The following MTMR10 variants were observed in gnomAD, a reference collection of about 807,000 sequenced individuals.
MTMR10 encodes the protein myotubularin related protein 10, also known as myotubularin-related protein 10.
Under a neutral mutation model 88.1 loss-of-function variants are expected in MTMR10, and 56 were observed. The ratio of observed to expected loss-of-function variants is 0.64; its 90% confidence interval spans 0.51 to 0.79. MTMR10 has a LOEUF of 0.79. MTMR10 is among the 30% of genes least tolerant of loss of function. The probability of loss-of-function intolerance (pLI) is 0.00; values close to 1 mark genes in which losing one functional copy is unlikely to be tolerated. For missense variants in MTMR10, 883 were observed against 924.7 expected, an observed-to-expected ratio of 0.95 and a Z score of 0.58; for synonymous variants, 380 against 340.9, an observed-to-expected ratio of 1.11 and a Z score of -1.26.
chr15:30,928,613 T>A, the MTMR10 span: 1 of 1,613,360 alleles, frequency 6.2e-7, no homozygotes, highest in Non-Finnish European at 8.5e-7. Context: ...TGGGACATCA[T>A]CTTCATGGAT....
At chr15:30,990,568 A>G (rs2141081348) in intron 2 of MTMR10, among the ~76,000 whole-genome samples, 1 of 152,334 alleles carries the variant, frequency 6.6e-6, no homozygotes, top group Non-Finnish European at 1.5e-5. Flanking sequence ...AAACATATAC[A>G]TCTTTTCAAA....
rs747456116 is a variant in MTMR10, at chr15:30,991,578, C to T, written c.-72G>A. 2 of 1,499,186 alleles carry T rather than the reference C, an allele frequency of 1.3e-6. No individual in the cohort carries two copies. Among genetic ancestry groups the T allele is most frequent in the East Asian group, 2.7e-5 (1 of 36,742 alleles). 92.9% of individuals were successfully genotyped at this position (1,499,186 alleles called of 1,614,324 possible). ...CGCCGACGCCTCCGGGCGTAAAGCT[C>T]TCAGTGCGGCCGCCCAGGCCCTTTC... On this transcript the variant is annotated 5_prime_UTR_variant, in exon 1 of 16. Coordinates refer to ENST00000435680, the MANE Select transcript of MTMR10 (RefSeq NM_017762.3).
At chr15:30,933,318 T>A in the MTMR10 span, among the ~76,000 whole-genome samples, 130 of 152,336 alleles carry the variant, frequency 8.5e-4, 1 homozygote, top group African/African-American at 3.0e-3. Flanking sequence ...ATTTAGTAGT[T>A]GTTTTCATTT....
the MTMR10 span, among the ~76,000 whole-genome samples, chr15:30,920,017 T>C: frequency 6.6e-6 from 1 of 152,180 alleles, no homozygotes; most frequent in Non-Finnish European, 1.5e-5. Flanking sequence ...AAAGGTCACA[T>C]AGTGAATATT....
At chr15:30,922,183 C>T in the MTMR10 span, 1 of 1,586,500 alleles carries the variant, frequency 6.3e-7, no homozygotes. Context: ...AATATCATTG[C>T]AGCTGGATTT....
chr15:30,955,469 A>G (rs1379904742), intron 9 of MTMR10, among the ~76,000 whole-genome samples: 1 of 152,060 alleles, frequency 6.6e-6, no homozygotes, highest in Non-Finnish European at 1.5e-5. Context: ...GCGGGGTTTC[A>G]CCATGTTGGC....
At chr15:30,986,283 G>A (rs2030934622) in intron 2 of MTMR10, among the ~76,000 whole-genome samples, 1 of 151,964 alleles carries the variant, frequency 6.6e-6, no homozygotes, top group South Asian at 2.1e-4. Flanking sequence ...CACCACTACA[G>A]TCCAAACTGG....
At chr15:30,930,108 A>G in the MTMR10 span, among the ~76,000 whole-genome samples, 1 of 150,276 alleles carries the variant, frequency 6.7e-6, no homozygotes, top group South Asian at 2.1e-4. Context: ...TGATGGAAAC[A>G]TACTAGGGTG....
chr15:30,972,598 T>C (rs1008998381), intron 5 of MTMR10, among the ~76,000 whole-genome samples: 14 of 152,286 alleles, frequency 9.2e-5, no homozygotes, highest in African/African-American at 3.1e-4. Flanking sequence ...ACAGCACTTA[T>C]TATGCTCTGT....
chr15:30,959,325 T>A (rs900423064), intron 7 of MTMR10, among the ~76,000 whole-genome samples: 31 of 152,142 alleles, frequency 2.0e-4, no homozygotes, highest in Admixed American at 2.0e-3. Flanking sequence ...TTCTTAAAAA[T>A]CTAAATTTAT....
At position 30,970,742 on chromosome 15, in the gene MTMR10, G is replaced by A. The variant is rs997462225; in HGVS notation, c.475-2732C>T. On this transcript the variant is annotated intron_variant, in intron 5 of 15. Transcript: ENST00000435680. ...AAAAGAAATAAAGCCTATTTTCAAG[G>A]CAAAACCCAACACAGCGTATTTTTT... 4.6e-5 allele frequency among the ~76,000 whole-genome samples: 7 copies of A among 152,122 alleles called. No homozygotes were observed. The East Asian group carries it at 1.4e-3, about 29-fold the overall frequency.
chr15:30,962,460 G>A (rs1205611024), intron 6 of MTMR10, among the ~76,000 whole-genome samples: 1 of 152,174 alleles, frequency 6.6e-6, no homozygotes, highest in Non-Finnish European at 1.5e-5. Context: ...TGTTCATGAT[G>A]CTAGTCCCTT....
At chr15:30,926,115 CA>C in the MTMR10 span, among the ~76,000 whole-genome samples, 2 of 152,198 alleles carry the variant, frequency 1.3e-5, no homozygotes, top group African/African-American at 2.4e-5. Flanking sequence ...AGGAGTAGGT[CA>C]GGGGTAGTTG....
chr15:30,975,039 C>T (rs1450223835), intron 3 of MTMR10, 36 bp from the exon 4 acceptor site: 2 of 1,406,502 alleles, frequency 1.4e-6, no homozygotes, highest in East Asian at 2.5e-5. Context: ...TAATTCTTTT[C>T]CCAATAATCT....
In MTMR10 at chr15:30,941,675, T is replaced by C; in HGVS notation, c.2129A>G (p.Glu710Gly). The change falls in exon 16 of 16, where the codon GAG becomes GGG. Residue 710 changes from glutamate (E) to glycine (G), a missense_variant. By Grantham distance (98) the Glu-to-Gly change is moderately conservative. This residue lies in a region of MTMR10 where 343 missense variants were observed against 323.2 expected (regional missense o/e 1.06). Coordinates refer to ENST00000435680, the MANE Select transcript of MTMR10 (RefSeq NM_017762.3). ...GAAGTACATCCTGCTCTGGCCCAGC[T>C]CCCCATAGCAGGCCTCCAGGGGGCC... ...RSGPLEACYG[E>G]LGQSRMYFNA... 3 of 1,613,560 alleles carry C rather than the reference T, an allele frequency of 1.9e-6. No individual in the cohort carries two copies. The highest frequency in any genetic ancestry group is 2.5e-6 in the Non-Finnish European group (3 of 1,179,718).
At chr15:30,967,631 G>T (rs2063488183) in intron 6 of MTMR10, among the ~76,000 whole-genome samples, 1 of 152,126 alleles carries the variant, frequency 6.6e-6, no homozygotes, top group South Asian at 2.1e-4. Flanking sequence ...ATTAAAAAGG[G>T]TGGGTTATAT....
At chr15:30,961,199 T>C (rs952490902) in intron 6 of MTMR10, 126 bp from the exon 7 acceptor site, 1 of 1,280,638 alleles carries the variant, frequency 7.8e-7, no homozygotes, top group South Asian at 1.7e-5. Context: ...CTTCCAAGTC[T>C]CTCCGAGAAC....
chr15:30,924,023 G>A, the MTMR10 span, among the ~76,000 whole-genome samples: 7 of 152,250 alleles, frequency 4.6e-5, no homozygotes, highest in Admixed American at 4.6e-4. Context: ...CCCTGGCGAC[G>A]ACGTCTCATC....
Position 30,974,980 on chromosome 15 carries a change from A to G in MTMR10, c.282T>C (p.Leu94=). The G allele has an allele frequency of 6.3e-7, 1 of 1,575,678 alleles. No individual in the cohort carries two copies. Among genetic ancestry groups the G allele is most frequent in the Non-Finnish European group, 8.6e-7 (1 of 1,158,874 alleles). ...PLQKFHYRNL[L]LGEHDVPLTC... ...TTAAAGGGACATCGTGTTCACCAAGAAGAAGGTTTCTGTAATGGAATTTCT... is the reference window on the plus strand; with the variant it reads ...TTAAAGGGACATCGTGTTCACCAAGGAGAAGGTTTCTGTAATGGAATTTCT... Residue 94 remains leucine (L), a synonymous_variant, in exon 4 of 16, where the codon CTT becomes CTC. Transcript: ENST00000435680.
Sources: allele counts gnomAD v4.1 joint callset (sites outside exome capture counted in the v4.1 genomes callset), GRCh38; gene constraint gnomAD v4.1.1; regional missense constraint gnomAD v4.1.1; transcripts MANE v1.5; gene names NCBI Gene and HGNC (gene_info 2026-07-23, HGNC 2026-07-21).